CNOT4: variants seen among roughly 807,000 people sequenced by gnomAD.
The protein encoded by CNOT4 is CCR4-NOT transcription complex subunit 4.
A neutral mutation model predicts 73.8 loss-of-function variants in CNOT4; 8 were observed. The ratio of observed to expected loss-of-function variants is 0.11; its 90% CI spans 0.06 to 0.20. The LOEUF (loss-of-function observed/expected upper bound fraction) is 0.20, where lower values mean the gene tolerates loss of function less well. Ranked by LOEUF, CNOT4 falls within the 10% of genes least tolerant of loss-of-function variation. CNOT4 has a pLI of 1.00. For missense variants in CNOT4, 564 were observed against 883.4 expected, an observed-to-expected ratio of 0.64 and a Z score of 4.58; for synonymous variants, 293 against 321.1, an observed-to-expected ratio of 0.91 and a Z score of 0.94.
chr7:135,410,523 C>T lies in CNOT4; in HGVS notation c.813G>A (p.Arg271=). Residue 271 remains arginine, a synonymous_variant, in exon 7 of 12, where the codon AGG becomes AGA. Coordinates refer to ENST00000541284, the MANE Select transcript of CNOT4 (RefSeq NM_001190850.2). Reference sequence around the variant, plus strand: ...TCAATATCAATACTTACGTATCGTACCTCTGCAGTGGTGTCACTTTGTTCT... The same window carrying T: ...TCAATATCAATACTTACGTATCGTATCTCTGCAGTGGTGTCACTTTGTTCT... ...KNKNKVTPLQ[R]YDTPIDKPSD... is the part of the protein sequence containing the mutation. The T allele has an allele frequency of 6.6e-7, 1 of 1,524,238 alleles. No homozygotes were observed. Among genetic ancestry groups the T allele is most frequent in the South Asian group, 1.3e-5 (1 of 76,640 alleles). The allele number at this position is 1,524,238 out of a possible 1,614,324, so 94.4% of individuals were successfully genotyped here.
intron 8 of CNOT4, among the ~76,000 whole-genome samples, chr7:135,397,356 A>G (rs1054196176): frequency 1.3e-5 from 2 of 152,188 alleles, no homozygotes; most frequent in Admixed American, 1.3e-4. Flanking sequence ...GCTGGAAATT[A>G]CATCCTTTGC....
At chr7:135,442,595 C>T (rs115701743) in intron 1 of CNOT4, among the ~76,000 whole-genome samples, 2,235 of 151,948 alleles carry the variant, frequency 0.015, 57 homozygotes, top group African/African-American at 0.051. Flanking sequence ...GCAAAAACTT[C>T]GTTTCAAAAA....
At chr7:135,396,106 CCTTTTTTTTTTTT>C (rs1796669913) in intron 8 of CNOT4, among the ~76,000 whole-genome samples, 1 of 116,008 alleles carries the variant, frequency 8.6e-6, no homozygotes. Context: ...AACTAGTCTC[CCTTTTTTTTTTTT>C]TTTTTTTTTT....
At chr7:135,476,458 T>C (rs942368717) in intron 1 of CNOT4, among the ~76,000 whole-genome samples, 2 of 152,132 alleles carry the variant, frequency 1.3e-5, no homozygotes, top group African/African-American at 4.8e-5. Flanking sequence ...AACACTAATT[T>C]TATGGTAAGT....
chr7:135,505,349 T>C (rs1804294520), intron 1 of CNOT4, among the ~76,000 whole-genome samples: 1 of 152,074 alleles, frequency 6.6e-6, no homozygotes, highest in African/African-American at 2.4e-5. Flanking sequence ...GGTCAGCAGT[T>C]CGAGAACAGC....
At chr7:135,396,107 C>CTTTTTTTTTT (rs71174519) in intron 8 of CNOT4, among the ~76,000 whole-genome samples, 1 of 95,432 alleles carries the variant, frequency 1.0e-5, no homozygotes, top group African/African-American at 4.6e-5. Flanking sequence ...ACTAGTCTCC[C>CTTTTTTTTTT]TTTTTTTTTT....
intron 1 of CNOT4, among the ~76,000 whole-genome samples, chr7:135,505,462 G>C (rs1350658306): frequency 6.6e-6 from 1 of 152,174 alleles, no homozygotes; most frequent in Non-Finnish European, 1.5e-5. Context: ...TGAGGCAGGA[G>C]GATTGCTTGA....
intron 2 of CNOT4, among the ~76,000 whole-genome samples, chr7:135,425,022 T>C (rs1335110579): frequency 6.6e-6 from 1 of 152,152 alleles, no homozygotes; most frequent in Non-Finnish European, 1.5e-5. Flanking sequence ...CAACTGACAC[T>C]ACCCCAACAT....
intron 1 of CNOT4, among the ~76,000 whole-genome samples, chr7:135,466,155 T>C (rs921545662): frequency 1.3e-5 from 2 of 151,972 alleles, no homozygotes; most frequent in Admixed American, 1.3e-4. Context: ...AGCTGTGTTA[T>C]TATAAAAGTT....
Position 135,363,853 on chromosome 7 carries a change from C to T in CNOT4, c.1840+1G>A. ...GTAGCTGAAGGGAGTGAGAAAGTTA[C>T]CTGTGATGATGGCTGGGTCTGTCCA... On this transcript the variant is annotated splice_donor_variant, in intron 11 of 11. Coordinates refer to ENST00000541284, the MANE Select transcript of CNOT4 (RefSeq NM_001190850.2). LOFTEE classifies it high-confidence loss of function. The surrounding 1 kb of genome is among the most constrained non-coding windows in gnomAD (Gnocchi z 4.3). 1 of 1,588,084 alleles carries T rather than the reference C, an allele frequency of 6.3e-7. No individual in the cohort carries two copies. The highest frequency in any genetic ancestry group is 8.5e-7 in the Non-Finnish European group (1 of 1,173,364).
chr7:135,474,337 T>G (rs970347374), intron 1 of CNOT4, among the ~76,000 whole-genome samples: 1 of 138,770 alleles, frequency 7.2e-6, no homozygotes, highest in Admixed American at 8.1e-5. Flanking sequence ...CAGGCTGGAG[T>G]GCAGAGGCGT....
chr7:135,470,310 T>C (rs1801497762), intron 1 of CNOT4, among the ~76,000 whole-genome samples: 1 of 151,788 alleles, frequency 6.6e-6, no homozygotes, highest in South Asian at 2.1e-4. Context: ...TCTTAATTTT[T>C]TTGTAGAGAT....
intron 10 of CNOT4, among the ~76,000 whole-genome samples, chr7:135,380,888 G>A (rs1421057910): frequency 6.6e-6 from 1 of 152,268 alleles, no homozygotes; most frequent in Non-Finnish European, 1.5e-5. Flanking sequence ...GCTCTGAAGT[G>A]TCATGATTCC....
At chr7:135,484,402 C>T (rs1403295624) in intron 1 of CNOT4, among the ~76,000 whole-genome samples, 1 of 151,720 alleles carries the variant, frequency 6.6e-6, no homozygotes, top group Admixed American at 6.6e-5. Context: ...CTAGAAAATC[C>T]CAAGAAATCT....
intron 10 of CNOT4, among the ~76,000 whole-genome samples, chr7:135,382,482 T>C (rs3812277): frequency 0.63 from 95,905 of 151,952 alleles, 30,627 homozygotes; most frequent in East Asian, 0.76. Flanking sequence ...AATGTCACAG[T>C]TGATATTTCA....
intron 1 of CNOT4, among the ~76,000 whole-genome samples, chr7:135,506,159 T>C (rs2129488383): frequency 6.6e-6 from 1 of 152,342 alleles, no homozygotes; most frequent in African/African-American, 2.4e-5. Context: ...ATCTTTGAGG[T>C]AACATAAAAT....
chr7:135,500,207 CTG>C (rs1803869382), intron 1 of CNOT4, among the ~76,000 whole-genome samples: 1 of 151,992 alleles, frequency 6.6e-6, no homozygotes, highest in Non-Finnish European at 1.5e-5. Context: ...TCAGACTCAA[CTG>C]TGGGAAACTT....
chr7:135,365,452 A>G (rs1794863309), intron 10 of CNOT4, among the ~76,000 whole-genome samples: 1 of 152,064 alleles, frequency 6.6e-6, no homozygotes, highest in Admixed American at 6.6e-5. Context: ...AGGCACTCTC[A>G]TAGTCAATTA....
intron 10 of CNOT4, chr7:135,388,037 G>A (rs747553194): frequency 6.6e-5 from 65 of 985,168 alleles, no homozygotes; most frequent in Non-Finnish European, 7.2e-5. Flanking sequence ...TGTTTACTCC[G>A]TATTCAAGTT....
Sources: gnomAD v4.1 joint callset for allele counts (sites outside exome capture counted in the v4.1 genomes callset) on GRCh38, gnomAD v4.1.1 for gene constraint, Gnocchi (gnomAD v3.1) non-coding constraint, MANE v1.5 for transcripts, NCBI Gene and HGNC (gene_info 2026-07-23, HGNC 2026-07-21) for gene names.